Variants in PTRH2 observed in about 807,000 individuals in gnomAD.
The protein encoded by PTRH2 is peptidyl-tRNA hydrolase 2, mitochondrial.
Under a neutral mutation model 12.3 loss-of-function variants are expected in PTRH2, and 10 were observed. The ratio of observed to expected loss-of-function variants is 0.81; its 90% confidence interval spans 0.50 to 1.38. PTRH2 has a LOEUF of 1.38. PTRH2 is among the 40% of genes most tolerant of loss of function. The pLI, the probability that PTRH2 is intolerant of heterozygous loss-of-function variation, is 0.00. For synonymous variants in PTRH2, 73 were observed against 77.4 expected (o/e 0.94, Z 0.30); for missense variants, 176 against 214.1 (o/e 0.82, Z 1.11).
At chr17:59,704,937 G>A (rs1469320151) in intron 1 of PTRH2, among the ~76,000 whole-genome samples, 1 of 151,958 alleles carries the variant, frequency 6.6e-6, no homozygotes, top group Non-Finnish European at 1.5e-5. Flanking sequence ...ACAGGCACCC[G>A]CCACCACACC....
intron 1 of PTRH2, chr17:59,699,187 G>A (rs1041783333): frequency 3.9e-5 from 13 of 330,546 alleles, no homozygotes; most frequent in African/African-American, 1.9e-4. Flanking sequence ...CGTAATTGAC[G>A]TCCATTTCTT....
intron 1 of PTRH2, among the ~76,000 whole-genome samples, chr17:59,703,207 G>C (rs796997219): frequency 2.6e-5 from 4 of 151,384 alleles, no homozygotes; most frequent in African/African-American, 9.7e-5. Flanking sequence ...TTTTTTTTAA[G>C]ACACAGGGGT....
Position 59,698,793 on chromosome 17 carries a change from CTT to C in PTRH2, c.1-817_1-816del, listed in dbSNP as rs763205318. The C allele has an allele frequency of 8.7e-6, 6 of 688,916 alleles. No homozygotes were observed. In the African/African-American group the frequency reaches 8.9e-5, roughly 10 times the overall value. 42.7% of individuals were successfully genotyped at this position (688,916 alleles called of 1,614,324 possible). A position where few individuals can be genotyped will look rare whatever the true frequency, so the allele number is the denominator to read the frequency against. ...GACAAAAATCATCTAACACGAGGCT[CTT>C]TTATAATAGTGTTGAATATCTCCTG... On this transcript the variant is annotated intron_variant, in intron 1 of 1. Coordinates refer to ENST00000393038, the MANE Select transcript of PTRH2 (RefSeq NM_016077.5).
intron 1 of PTRH2, 130 bp from the exon 2 acceptor site, chr17:59,698,108 T>G: frequency 1.1e-6 from 1 of 898,244 alleles, no homozygotes; most frequent in Admixed American, 2.7e-5. Flanking sequence ...ACCTTTGATC[T>G]TATGCCTGCA....
At chr17:59,701,521 G>A (rs907996497) in intron 1 of PTRH2, 1 of 152,150 alleles carries the variant, frequency 6.6e-6, no homozygotes, top group Admixed American at 6.5e-5. Context: ...TTAGTTTTAT[G>A]ATATACTGCT....
chr17:59,697,907 A>G lies in PTRH2; in HGVS notation c.72T>C (p.Ala24=). ...GGCTCCAGCCCAGGCACATGCCACA[A>G]GCAACTCCAACAGCCAAGCCGAGTG... ...PSTLGLAVGV[A]CGMCLGWSLR... The change falls in exon 2 of 2, where the codon GCT becomes GCC. Residue 24 remains alanine (A), a synonymous_variant. Coordinates refer to ENST00000393038, the MANE Select transcript of PTRH2 (RefSeq NM_016077.5). The G allele has an allele frequency of 1.2e-6, 2 of 1,614,164 alleles. No homozygotes were observed. Among genetic ancestry groups the G allele is most frequent in the Non-Finnish European group, 8.5e-7 (1 of 1,180,040 alleles).
At chr17:59,702,569 C>T (rs1187543988) in intron 1 of PTRH2, among the ~76,000 whole-genome samples, 2 of 152,194 alleles carry the variant, frequency 1.3e-5, no homozygotes, top group South Asian at 2.1e-4. Context: ...TAAAAGATAC[C>T]TGAGCCTTGA....
chr17:59,703,321 G>C (rs2033587118), intron 1 of PTRH2, among the ~76,000 whole-genome samples: 1 of 151,870 alleles, frequency 6.6e-6, no homozygotes, highest in Non-Finnish European at 1.5e-5. Flanking sequence ...CACTGTGCCT[G>C]GCTCTCAATT....
At chr17:59,707,257 G>A (rs141266699) in intron 1 of PTRH2, 114 bp downstream of exon 1, 2 of 152,606 alleles carry the variant, frequency 1.3e-5, no homozygotes, top group Non-Finnish European at 2.9e-5. Context: ...AGTTTATAAA[G>A]GAGAAAATGA....
At chr17:59,698,885 G>T (rs1167773772) in intron 1 of PTRH2, 1 of 716,640 alleles carries the variant, frequency 1.4e-6, no homozygotes. Flanking sequence ...AATTTACACA[G>T]CTGAAAGCAC....
At chr17:59,704,955 T>C (rs578143442) in intron 1 of PTRH2, among the ~76,000 whole-genome samples, 1 of 152,170 alleles carries the variant, frequency 6.6e-6, no homozygotes, top group South Asian at 2.1e-4. Flanking sequence ...ACCTGGCTAA[T>C]TTTTGTATTT....
chr17:59,699,035 T>C lies in PTRH2; in HGVS notation c.1-1057A>G, dbSNP rs946110306. 13 of 610,216 alleles carry C rather than the reference T, an allele frequency of 2.1e-5. No homozygotes were observed. In the African/African-American group the frequency reaches 2.4e-4, roughly 11 times the overall value. The allele number at this position is 610,216 out of a possible 1,614,324, so 37.8% of individuals were successfully genotyped here. A position where few individuals can be genotyped will look rare whatever the true frequency, so the allele number is the denominator to read the frequency against. On this transcript the variant is annotated intron_variant, in intron 1 of 1. Coordinates refer to ENST00000393038, the MANE Select transcript of PTRH2 (RefSeq NM_016077.5). ...AAGGCATTGGGACATCAACACTAGT[T>C]GATGGTTTAGCAAGCATAGTGTTGT...
chr17:59,701,940 G>C (rs565725275), intron 1 of PTRH2, among the ~76,000 whole-genome samples: 2 of 150,020 alleles, frequency 1.3e-5, no homozygotes, highest in African/African-American at 4.9e-5. Flanking sequence ...TCCTGACCTC[G>C]TGATCCGCCC....
At chr17:59,707,276 G>A (rs186321726) in intron 1 of PTRH2, 95 bp downstream of exon 1, 1 of 152,728 alleles carries the variant, frequency 6.5e-6, no homozygotes, top group East Asian at 1.9e-4. Flanking sequence ...GAAGAAGGTG[G>A]GTAATGCAAC....
At chr17:59,701,317 T>C (rs557569509) in intron 1 of PTRH2, 1 of 152,358 alleles carries the variant, frequency 6.6e-6, no homozygotes, top group South Asian at 2.1e-4. Context: ...CAAAGACTGA[T>C]TTATGGACAA....
At chr17:59,698,168 C>G (rs2033483798) in intron 1 of PTRH2, 190 bp from the exon 2 acceptor site, 2 of 599,734 alleles carry the variant, frequency 3.3e-6, no homozygotes, top group East Asian at 2.8e-5. Flanking sequence ...AGAAAAGATT[C>G]AAGCATCCAC....
At chr17:59,705,390 TATG>T (rs1183203654) in intron 1 of PTRH2, among the ~76,000 whole-genome samples, 2 of 152,028 alleles carry the variant, frequency 1.3e-5, no homozygotes, top group Non-Finnish European at 2.9e-5. Context: ...AGATGAGAAA[TATG>T]AGGATCAAAC....
At chr17:59,706,901 G>A (rs2033685342) in intron 1 of PTRH2, among the ~76,000 whole-genome samples, 1 of 152,014 alleles carries the variant, frequency 6.6e-6, no homozygotes, top group Non-Finnish European at 1.5e-5. Context: ...TCGAACTTCT[G>A]ACCTCAGGTG....
chr17:59,706,180 CAAAT>C (rs1361564862), intron 1 of PTRH2, among the ~76,000 whole-genome samples: 2 of 152,154 alleles, frequency 1.3e-5, no homozygotes, highest in East Asian at 1.9e-4. Flanking sequence ...TAAGGTAAAA[CAAAT>C]AACCATTCTT....
Sources: gnomAD v4.1 joint callset for allele counts (sites outside exome capture counted in the v4.1 genomes callset) on GRCh38, gnomAD v4.1.1 for gene constraint, MANE v1.5 for transcripts, NCBI Gene and HGNC (gene_info 2026-07-23, HGNC 2026-07-21) for gene names.